Variants in LAMC3 observed in about 807,000 individuals in gnomAD.
The protein encoded by LAMC3 is laminin subunit gamma-3.
A neutral mutation model predicts 173.8 loss-of-function variants in LAMC3; 128 were observed. The observed-to-expected ratio is 0.74, with a 90% CI of 0.64 to 0.85. The LOEUF (loss-of-function observed/expected upper bound fraction) is 0.85, where lower values mean the gene tolerates loss of function less well. Ranked by LOEUF, LAMC3 falls within the 40% of genes least tolerant of loss-of-function variation. LAMC3 has a pLI of 0.00. For missense variants in LAMC3, 2,022 were observed against 2,156.0 expected (o/e 0.94, Z 1.23); for synonymous variants, 897 against 909.1 (o/e 0.99, Z 0.24).
rs1199369334 is a variant in LAMC3 at position 131,092,351 on chromosome 9, C to T, written c.*564C>T. 1 of 168,178 alleles carries T rather than the reference C, an allele frequency of 5.9e-6. No individual in the cohort carries two copies. Among genetic ancestry groups the T allele is most frequent in the Non-Finnish European group, 1.3e-5 (1 of 76,774 alleles). The allele number at this position is 168,178 out of a possible 1,614,324, so 10.4% of individuals were successfully genotyped here. ...GGCTGCCCTCTGTTTCACAGCAGCTCCCTGACCTGTGTTGCTGCGTGCACT... is the reference window on the plus strand; with the variant it reads ...GGCTGCCCTCTGTTTCACAGCAGCTTCCTGACCTGTGTTGCTGCGTGCACT... On this transcript the variant is annotated 3_prime_UTR_variant, in exon 28 of 28. Coordinates refer to ENST00000361069, the MANE Select transcript of LAMC3 (RefSeq NM_006059.4).
At chr9:131,059,861 C>T (rs1234457123) in intron 12 of LAMC3, among the ~76,000 whole-genome samples, 4 of 152,216 alleles carry the variant, frequency 2.6e-5, no homozygotes. Flanking sequence ...GGGACAGTTC[C>T]CCCTGGATGC....
chr9:131,035,549 A>G (rs988151862), intron 3 of LAMC3, among the ~76,000 whole-genome samples: 6 of 152,174 alleles, frequency 3.9e-5, no homozygotes, highest in African/African-American at 1.4e-4. Flanking sequence ...TGATGATCCA[A>G]TCAGCTCCCA....
intron 13 of LAMC3, among the ~76,000 whole-genome samples, chr9:131,066,260 G>A (rs1418345669): frequency 6.6e-6 from 1 of 151,990 alleles, no homozygotes; most frequent in African/African-American, 2.4e-5. Flanking sequence ...GGAGGCCAAG[G>A]CGGGCAGATC....
chr9:131,028,097 G>C (rs1473910585), intron 2 of LAMC3, among the ~76,000 whole-genome samples: 3 of 152,116 alleles, frequency 2.0e-5, no homozygotes, highest in Admixed American at 6.5e-5. Context: ...TCCTGCCTGA[G>C]CTCCGCCTCC....
intron 23 of LAMC3, 149 bp downstream of exon 23, chr9:131,079,447 C>G (rs1415931612): frequency 6.5e-6 from 6 of 921,344 alleles, no homozygotes; most frequent in Non-Finnish European, 1.0e-5. Context: ...GTAATCCCAC[C>G]ACTTTGGGAG....
At chr9:131,051,044 AT>A (rs1834275379) in intron 9 of LAMC3, among the ~76,000 whole-genome samples, 1 of 152,096 alleles carries the variant, frequency 6.6e-6, no homozygotes, top group African/African-American at 2.4e-5. Flanking sequence ...CAGGTAAGAA[AT>A]TCCCCCAGCC....
intron 13 of LAMC3, among the ~76,000 whole-genome samples, chr9:131,065,667 T>C (rs1482586149): frequency 6.6e-6 from 1 of 152,166 alleles, no homozygotes; most frequent in Non-Finnish European, 1.5e-5. Flanking sequence ...AATGTGGACC[T>C]CAATGCTGTA....
intron 8 of LAMC3, among the ~76,000 whole-genome samples, chr9:131,046,439 G>T (rs181118834): frequency 8.0e-4 from 120 of 150,384 alleles, no homozygotes; most frequent in Middle Eastern, 6.9e-3. Context: ...AATCTCCTGG[G>T]CTCAAGTAGT....
intron 17 of LAMC3, among the ~76,000 whole-genome samples, chr9:131,071,176 G>C (rs571227632): frequency 6.6e-6 from 1 of 152,186 alleles, no homozygotes; most frequent in Admixed American, 6.5e-5. Flanking sequence ...GGAACACAGC[G>C]AACAGGACAG....
intron 9 of LAMC3, among the ~76,000 whole-genome samples, 189 bp from the exon 10 acceptor site, chr9:131,052,302 T>TG (rs1249929942): frequency 6.6e-6 from 1 of 152,176 alleles, no homozygotes; most frequent in Non-Finnish European, 1.5e-5. Context: ...AAGCCAAGTG[T>TG]GGGGGCGTGT....
chr9:131,058,894 G>GAAA (rs748695258), intron 12 of LAMC3, among the ~76,000 whole-genome samples: 23 of 119,384 alleles, frequency 1.9e-4, no homozygotes, highest in African/African-American at 6.3e-4. Flanking sequence ...GACTCCAGAG[G>GAAA]AAAAAAGAAA....
At chr9:131,036,049 C>A in intron 3 of LAMC3, 117 bp from the exon 4 acceptor site, 2 of 1,069,602 alleles carry the variant, frequency 1.9e-6, no homozygotes, top group Non-Finnish European at 1.5e-6. Flanking sequence ...TCAGTGAGGG[C>A]CAAGATTGAG....
intron 25 of LAMC3, among the ~76,000 whole-genome samples, chr9:131,086,685 C>T (rs1171142569): frequency 6.8e-5 from 10 of 147,800 alleles, no homozygotes; most frequent in African/African-American, 1.5e-4. Flanking sequence ...GTCAGGAGTT[C>T]GAGACCAGTC....
chr9:131,083,631 A>G (rs1399573990), intron 24 of LAMC3, among the ~76,000 whole-genome samples: 1 of 152,140 alleles, frequency 6.6e-6, no homozygotes, highest in Non-Finnish European at 1.5e-5. Flanking sequence ...GAAGGCCTGT[A>G]ATAAAGAAAC....
intron 24 of LAMC3, 38 bp downstream of exon 24, chr9:131,082,199 C>A: frequency 6.8e-7 from 1 of 1,479,266 alleles, no homozygotes; most frequent in Non-Finnish European, 9.4e-7. Flanking sequence ...TGTGTAATGA[C>A]GAACGCCCCT....
rs953934006 is a variant in LAMC3 at position 131,026,694 on chromosome 9, A to G, written c.678+105A>G. The G allele has an allele frequency of 6.3e-6, 9 of 1,425,954 alleles. No homozygotes were observed. The South Asian group carries it at 9.2e-5, about 15-fold the overall frequency. The allele number at this position is 1,425,954 out of a possible 1,614,324, so 88.3% of individuals were successfully genotyped here. On this transcript the variant is annotated intron_variant, in intron 2 of 27. Coordinates refer to ENST00000361069, the MANE Select transcript of LAMC3 (RefSeq NM_006059.4). The surrounding 1 kb of genome is among the most constrained non-coding windows in gnomAD (Gnocchi z 4.8). ...ACACACAGGGTGGGGGACCTGCAAA[A>G]CCCCATGGTTTTCTTTTTCTTCTTT...
chr9:131,042,502 C>A (rs1432813777), intron 7 of LAMC3, among the ~76,000 whole-genome samples: 1 of 151,196 alleles, frequency 6.6e-6, no homozygotes, highest in Non-Finnish European at 1.5e-5. Context: ...GCCAACATCA[C>A]TCATGGAGCA....
intron 21 of LAMC3, among the ~76,000 whole-genome samples, chr9:131,076,254 G>A (rs755362472): frequency 3.1e-4 from 47 of 152,082 alleles, no homozygotes; most frequent in Non-Finnish European, 2.5e-4. Context: ...TCCTTCTGCC[G>A]CATTCCCTGA....
rs1181741337 is a variant in LAMC3 at position 131,091,681 on chromosome 9, T to G, written c.4622T>G (p.Leu1541Arg). ...LLEQESQQQE[L>R]QIQGFESDLA... ...GAGCAGGAATCCCAGCAGCAGGAGC[T>G]GCAGATCCAGGGCTTCGAGAGTGAC... Residue 1541 changes from leucine (L) to arginine (R), a missense_variant, in exon 28 of 28, where the codon CTG becomes CGG. Leu to Arg is a moderately radical substitution (Grantham distance 102). Coordinates refer to ENST00000361069, the MANE Select transcript of LAMC3 (RefSeq NM_006059.4). 1 of 1,610,306 alleles carries G rather than the reference T, an allele frequency of 6.2e-7. No homozygotes were observed. The highest frequency in any genetic ancestry group is 2.2e-5 in the East Asian group (1 of 44,810).
Sources: gnomAD v4.1 joint callset for allele counts (sites outside exome capture counted in the v4.1 genomes callset) on GRCh38, gnomAD v4.1.1 for gene constraint, Gnocchi (gnomAD v3.1) non-coding constraint, MANE v1.5 for transcripts, NCBI Gene and HGNC (gene_info 2026-07-23, HGNC 2026-07-21) for gene names.